MXD1: variants seen among roughly 807,000 people sequenced by gnomAD.
The protein encoded by MXD1 is MAX dimerization protein 1.
Under a neutral mutation model 25.7 loss-of-function variants are expected in MXD1, and 9 were observed. That is an observed-to-expected ratio of 0.35 (90% CI 0.21 to 0.61). The LOEUF (loss-of-function observed/expected upper bound fraction) is 0.61, where lower values mean the gene tolerates loss of function less well. Ranked by LOEUF, MXD1 falls within the 20% of genes least tolerant of loss-of-function variation. The probability of loss-of-function intolerance (pLI) is 0.75; values close to 1 mark genes in which losing one functional copy is unlikely to be tolerated. For synonymous variants in MXD1, 99 were observed against 113.9 expected, an observed-to-expected ratio of 0.87 and a Z score of 0.83; for missense variants, 227 against 292.4, an observed-to-expected ratio of 0.78 and a Z score of 1.63.
intron 4 of MXD1, 185 bp from the exon 5 acceptor site, chr2:69,937,050 G>A (rs1246549446): frequency 5.1e-6 from 4 of 784,200 alleles, no homozygotes; most frequent in Non-Finnish European, 9.1e-6. Context: ...CGATGCTGAA[G>A]AGTCAGACGA....
chr2:69,917,161 C>G (rs975676149), intron 2 of MXD1, among the ~76,000 whole-genome samples: 1 of 152,218 alleles, frequency 6.6e-6, no homozygotes, highest in African/African-American at 2.4e-5. Flanking sequence ...TCCTCTGTGG[C>G]TTAATACAGA....
intron 2 of MXD1, among the ~76,000 whole-genome samples, chr2:69,920,303 C>A (rs996826851): frequency 1.8e-4 from 27 of 152,118 alleles, no homozygotes; most frequent in African/African-American, 6.5e-4. Flanking sequence ...TTTAAGTTAA[C>A]CAATTTTGGA....
chr2:69,921,909 G>A (rs905894516), intron 3 of MXD1, 144 bp downstream of exon 3: 18 of 706,884 alleles, frequency 2.5e-5, no homozygotes, highest in African/African-American at 5.5e-5. Flanking sequence ...AAGCAGCATC[G>A]CTCATAAATT....
At chr2:69,932,762 CA>C (rs1169298729) in intron 3 of MXD1, among the ~76,000 whole-genome samples, 1 of 152,134 alleles carries the variant, frequency 6.6e-6, no homozygotes, top group Non-Finnish European at 1.5e-5. Flanking sequence ...TATCAGTGGA[CA>C]AACTTCCTAA....
chr2:69,922,186 G>T (rs1400113245), intron 3 of MXD1, among the ~76,000 whole-genome samples: 1 of 152,202 alleles, frequency 6.6e-6, no homozygotes, highest in Non-Finnish European at 1.5e-5. Context: ...TAACGTGTAT[G>T]TATGTGTATT....
intron 3 of MXD1, among the ~76,000 whole-genome samples, chr2:69,930,019 G>T (rs1677247961): frequency 6.6e-6 from 1 of 152,204 alleles, no homozygotes; most frequent in African/African-American, 2.4e-5. Context: ...ATGAAGTGTA[G>T]TCCCAGTGTT....
At chr2:69,937,501 G>A in intron 5 of MXD1, 107 bp downstream of exon 5, 1 of 1,112,168 alleles carries the variant, frequency 9.0e-7, no homozygotes, top group South Asian at 1.6e-5. Context: ...CTAAGACACT[G>A]GGTATGATGT....
At chr2:69,921,235 T>A (rs1006705385) in intron 2 of MXD1, among the ~76,000 whole-genome samples, 2 of 152,234 alleles carry the variant, frequency 1.3e-5, no homozygotes, top group African/African-American at 4.8e-5. Flanking sequence ...ACATGATAGT[T>A]ACTTCAGGGA....
intron 2 of MXD1, among the ~76,000 whole-genome samples, chr2:69,920,867 C>T (rs577098839): frequency 6.6e-6 from 1 of 152,208 alleles, no homozygotes; most frequent in South Asian, 2.1e-4. Flanking sequence ...GTAACTTGTC[C>T]ATAAAGTCTT....
At chr2:69,935,230 T>C (rs1406912447) in intron 3 of MXD1, 121 bp from the exon 4 acceptor site, 18 of 688,622 alleles carry the variant, frequency 2.6e-5, no homozygotes, top group Non-Finnish European at 4.0e-5. Context: ...CAAAAGGTCA[T>C]TGGTAGCATT....
chr2:69,917,308 G>A (rs1676980596), intron 2 of MXD1, among the ~76,000 whole-genome samples: 1 of 152,168 alleles, frequency 6.6e-6, no homozygotes, highest in South Asian at 2.1e-4. Context: ...AATAAAAATG[G>A]CACTTGAAGG....
rs1461654855 is a variant in MXD1, at chr2:69,915,615, C to T, written c.73+212C>T. ...GGGGTGGAGAAGGGGCTGCCGCCCG[C>T]CGGGGTCCCGAACGCCGCCCCTTCC... On this transcript the variant is annotated intron_variant, in intron 1 of 5. Coordinates refer to ENST00000264444, the MANE Select transcript of MXD1 (RefSeq NM_002357.4). This position sits in a 1 kb window ranked among gnomAD's most constrained non-coding sequence, Gnocchi z 5.8. 6.6e-6 allele frequency among the ~76,000 whole-genome samples: 1 copy of T among 152,194 alleles called. No individual in the cohort carries two copies. Among genetic ancestry groups the T allele is most frequent in the East Asian group, 1.9e-4 (1 of 5,188 alleles).
At position 69,935,342 on chromosome 2, in the gene MXD1, T is replaced by C. The variant is rs756592363; in HGVS notation, c.204-9T>C. 1.9e-6 allele frequency: 3 copies of C among 1,606,690 alleles called. No homozygotes were observed. The highest frequency in any genetic ancestry group is 2.6e-6 in the Non-Finnish European group (3 of 1,173,406). On this transcript the variant is annotated splice_polypyrimidine_tract_variant and intron_variant, in intron 3 of 5. Transcript: ENST00000264444. ...ACTCTCAAATGCTACTGTGGTCTTGTTTTCATAGACGGGCTCATCTTCGCT... is the reference window on the plus strand; with the variant it reads ...ACTCTCAAATGCTACTGTGGTCTTGCTTTCATAGACGGGCTCATCTTCGCT...
At chr2:69,925,246 GTA>G (rs1012667385) in intron 3 of MXD1, among the ~76,000 whole-genome samples, 2 of 142,232 alleles carry the variant, frequency 1.4e-5, no homozygotes, top group South Asian at 2.2e-4. Context: ...GGAGGGTGGG[GTA>G]TGTGTGTGTG....
At chr2:69,935,216 T>A in intron 3 of MXD1, 135 bp from the exon 4 acceptor site, 1 of 648,232 alleles carries the variant, frequency 1.5e-6, no homozygotes, top group South Asian at 1.8e-5. Flanking sequence ...ATATGTTTAT[T>A]CAGCAAAAGG....
rs1558566465 is a variant in MXD1, at chr2:69,915,595, G to GA, written c.73+192_73+193insA. Among the ~76,000 whole-genome samples, 8 of 152,230 alleles carry GA rather than the reference G, an allele frequency of 5.3e-5. No individual in the cohort carries two copies. Among genetic ancestry groups the GA allele is most frequent in the Admixed American group, 3.9e-4 (6 of 15,288 alleles). ...GCTGCCCCAAAGCAATGAATGGGGT[G>GA]GAGAAGGGGCTGCCGCCCGCCGGGG... On this transcript the variant is annotated intron_variant, in intron 1 of 5. Transcript: ENST00000264444. This position sits in a 1 kb window ranked among gnomAD's most constrained non-coding sequence, Gnocchi z 5.8.
At chr2:69,919,269 A>G (rs1490321292) in intron 2 of MXD1, among the ~76,000 whole-genome samples, 3 of 152,140 alleles carry the variant, frequency 2.0e-5, no homozygotes, top group African/African-American at 7.2e-5. Context: ...TCCTCCACCT[A>G]CAAGGGGTGG....
chr2:69,937,275 A>C lies in MXD1; in HGVS notation c.359A>C (p.Asp120Ala). The stretch of plus-strand genomic sequence containing the variant: ...GACAGAAAAGCCGTTCACCAAATCG[A>C]CCAGCTTCAGCGAGAGCAGCGACAC... ...DCDRKAVHQI[D>A]QLQREQRHLK... The change falls in exon 5 of 6, where the codon GAC becomes GCC. Residue 120 changes from aspartate to alanine, a missense_variant. Asp to Ala is a moderately radical substitution (Grantham distance 126). Coordinates refer to ENST00000264444, the MANE Select transcript of MXD1 (RefSeq NM_002357.4). The C allele has an allele frequency of 4.3e-6, 7 of 1,614,132 alleles. No homozygotes were observed. The highest frequency in any genetic ancestry group is 5.1e-6 in the Non-Finnish European group (6 of 1,180,000).
intron 3 of MXD1, among the ~76,000 whole-genome samples, chr2:69,927,695 A>G (rs1353331217): frequency 2.6e-5 from 4 of 152,234 alleles, no homozygotes; most frequent in African/African-American, 4.8e-5. Context: ...TGAAAAGGAG[A>G]TATTAATGTG....
Sources: allele counts gnomAD v4.1 joint callset (sites outside exome capture counted in the v4.1 genomes callset), GRCh38; gene constraint gnomAD v4.1.1; non-coding constraint Gnocchi (gnomAD v3.1); transcripts MANE v1.5; gene names NCBI Gene and HGNC (gene_info 2026-07-23, HGNC 2026-07-21).